ACOX2: variants seen among roughly 807,000 people sequenced by gnomAD.
ACOX2 encodes peroxisomal acyl-coenzyme A oxidase 2.
In ACOX2, 59 loss-of-function variants were observed where a neutral mutation model predicts 77.5. The ratio of observed to expected loss-of-function variants is 0.76; its 90% CI spans 0.62 to 0.95. The LOEUF (loss-of-function observed/expected upper bound fraction) is 0.95. Ranked by LOEUF, ACOX2 falls within the 40% of genes least tolerant of loss-of-function variation. The pLI is 0.00. For missense variants in ACOX2, 837 were observed against 880.4 expected (o/e 0.95, Z 0.62); for synonymous variants, 317 against 340.1 (o/e 0.93, Z 0.75).
rs543101310 is a variant in ACOX2, at chr3:58,521,200, A to C, written c.1632+1296T>G. Among the ~76,000 whole-genome samples, 7 of 152,306 alleles carry C rather than the reference A, an allele frequency of 4.6e-5. No individual in the cohort carries two copies. The highest frequency in any genetic ancestry group is 1.3e-4 in the Admixed American group (2 of 15,306). Reference sequence around the variant, plus strand: ...TAGGCTGAGCAGAACTGAGGGCTGCAGAGGTAATCCCATCACGTGTGGTGT... The same window carrying C: ...TAGGCTGAGCAGAACTGAGGGCTGCCGAGGTAATCCCATCACGTGTGGTGT... On this transcript the variant is annotated intron_variant, in intron 12 of 14. Coordinates refer to ENST00000302819, the MANE Select transcript of ACOX2 (RefSeq NM_003500.4). The surrounding 1 kb of genome is among the most constrained non-coding windows in gnomAD (Gnocchi z 4.8).
chr3:58,531,901 G>C lies in ACOX2; in HGVS notation c.584-89C>G. On this transcript the variant is annotated intron_variant, in intron 5 of 14. Coordinates refer to ENST00000302819, the MANE Select transcript of ACOX2 (RefSeq NM_003500.4). This position sits in a 1 kb window ranked among gnomAD's most constrained non-coding sequence, Gnocchi z 5.8. ...CCAGCCTCCTGGGGCTGGGGTTTTGGATGGGTACCTCTGGGGCCCTGAAAA... is the reference window on the plus strand; with the variant it reads ...CCAGCCTCCTGGGGCTGGGGTTTTGCATGGGTACCTCTGGGGCCCTGAAAA... The C allele has an allele frequency of 1.4e-6, 2 of 1,476,176 alleles. No individual in the cohort carries two copies. The highest frequency in any genetic ancestry group is 1.8e-6 in the Non-Finnish European group (2 of 1,117,788). The allele number at this position is 1,476,176 out of a possible 1,614,324, so 91.4% of individuals were successfully genotyped here.
Position 58,531,708 on chromosome 3 carries a change from G to T in ACOX2, c.688C>A (p.His230Asn). ...FIVPIRSLQD[H>N]TPLPGIIIGD... is the part of the protein sequence containing the mutation. ...ATGGGCTTACCTGGCAGTGGGGTGT[G>T]GTCCTGAAGACTCCGGATTGGCACA... Residue 230 changes from histidine to asparagine, a missense_variant, in exon 6 of 15, where the codon CAC (histidine) becomes AAC (asparagine). By Grantham distance (68) the His-to-Asn change is moderately conservative (BLOSUM62 1). Coordinates refer to ENST00000302819, the MANE Select transcript of ACOX2 (RefSeq NM_003500.4). The surrounding 1 kb of genome is among the most constrained non-coding windows in gnomAD (Gnocchi z 5.8). The T allele has an allele frequency of 1.2e-6, 2 of 1,614,114 alleles. No homozygotes were observed.
rs1178906496 is a variant in ACOX2, at chr3:58,521,680, C to T, written c.1632+816G>A. 6.6e-6 allele frequency among the ~76,000 whole-genome samples: 1 copy of T among 152,236 alleles called. No homozygotes were observed. Among genetic ancestry groups the T allele is most frequent in the Non-Finnish European group, 1.5e-5 (1 of 68,042 alleles). On this transcript the variant is annotated intron_variant, in intron 12 of 14. Transcript: ENST00000302819. This position sits in a 1 kb window ranked among gnomAD's most constrained non-coding sequence, Gnocchi z 4.8. Reference sequence around the variant, plus strand: ...CACCTCCAAACAAACTCAGCAAAGGCATTGCAATGAAAACAAAACCCCAAC... The same window carrying T: ...CACCTCCAAACAAACTCAGCAAAGGTATTGCAATGAAAACAAAACCCCAAC...
In ACOX2 at chr3:58,534,167, G is replaced by A. The variant is rs774318309; in HGVS notation, c.324-22C>T. 7 of 1,613,378 alleles carry A rather than the reference G, an allele frequency of 4.3e-6. No individual in the cohort carries two copies. The highest frequency in any genetic ancestry group is 5.9e-6 in the Non-Finnish European group (7 of 1,179,826). On this transcript the variant is annotated intron_variant, in intron 3 of 14. Transcript: ENST00000302819. This position sits in a 1 kb window ranked among gnomAD's most constrained non-coding sequence, Gnocchi z 4.8. ...GGCTCTGTTGGGGAGAGATGCTGTA[G>A]TTGAGTAGCTTATTGGAGACAGGGG...
rs1407990780 is a variant in ACOX2, at chr3:58,535,571, G to A, written c.-91-374C>T. Among the ~76,000 whole-genome samples, 1 of 152,134 alleles carries A rather than the reference G, an allele frequency of 6.6e-6. No homozygotes were observed. The highest frequency in any genetic ancestry group is 1.5e-5 in the Non-Finnish European group (1 of 68,020). On this transcript the variant is annotated intron_variant, in intron 1 of 14. Coordinates refer to ENST00000302819, the MANE Select transcript of ACOX2 (RefSeq NM_003500.4). The surrounding 1 kb of genome is among the most constrained non-coding windows in gnomAD (Gnocchi z 4.8). Reference sequence around the variant, plus strand: ...AGCTGGAGATGGCCAGGAGTTGGATGGGGTCTGACCACAAAGCACATGACT... The same window carrying A: ...AGCTGGAGATGGCCAGGAGTTGGATAGGGTCTGACCACAAAGCACATGACT...
intron 8 of ACOX2, among the ~76,000 whole-genome samples, chr3:58,530,006 C>T (rs2063424898): frequency 6.6e-6 from 1 of 152,216 alleles, no homozygotes; most frequent in Admixed American, 6.5e-5. Context: ...AGAACGAGCT[C>T]AGCCACACAC....
Position 58,531,790 on chromosome 3 carries a change from G to C in ACOX2, c.606C>G (p.Ala202=). The change falls in exon 6 of 15, where the codon GCC becomes GCG. Residue 202 remains alanine, a synonymous_variant. Coordinates refer to ENST00000302819, the MANE Select transcript of ACOX2 (RefSeq NM_003500.4). This position sits in a 1 kb window ranked among gnomAD's most constrained non-coding sequence, Gnocchi z 5.8. ...PGDLGRSATH[A]LVQAQLICSG... ...AGCAGATCAGCTGGGCCTGGACCAG[G>C]GCATGGGTGGCTGACCGTCCCACTG... 2 of 1,613,998 alleles carry C rather than the reference G, an allele frequency of 1.2e-6. No individual in the cohort carries two copies. The highest frequency in any genetic ancestry group is 1.7e-6 in the Non-Finnish European group (2 of 1,179,996).
At position 58,528,053 on chromosome 3, in the gene ACOX2, T is replaced by C. The variant is rs2063410263; in HGVS notation, c.1155+741A>G. The stretch of plus-strand genomic sequence containing the variant: ...ACTGCTTTATGGTATTTTGTTACAG[T>C]GGCCCCAACAGGACAGAGGCTGCTG... On this transcript the variant is annotated intron_variant, in intron 9 of 14. Transcript: ENST00000302819. The surrounding 1 kb of genome is among the most constrained non-coding windows in gnomAD (Gnocchi z 5.6). Among the ~76,000 whole-genome samples, 1 of 152,174 alleles carries C rather than the reference T, an allele frequency of 6.6e-6. No homozygotes were observed. The highest frequency in any genetic ancestry group is 2.1e-4 in the South Asian group (1 of 4,824).
Position 58,512,517 on chromosome 3 carries a change from G to A in ACOX2, c.1851-3492C>T, listed in dbSNP as rs73837637. ...ATTCTATCCCATGCTCAAAACCCTC[G>A]CATTCTCTTAAGTCTTTGCAATGAT... On this transcript the variant is annotated intron_variant, in intron 13 of 14. Transcript: ENST00000302819. This position sits in a 1 kb window ranked among gnomAD's most constrained non-coding sequence, Gnocchi z 4.8. Among the ~76,000 whole-genome samples, 1,467 of 152,080 alleles carry A rather than the reference G, an allele frequency of 9.6e-3. 29 individuals carry two copies. Among genetic ancestry groups the A allele is most frequent in the African/African-American group, 0.033 (1,388 of 41,496 alleles).
intron 9 of ACOX2, among the ~76,000 whole-genome samples, chr3:58,527,258 C>G (rs1322324359): frequency 6.6e-6 from 1 of 152,066 alleles, no homozygotes; most frequent in East Asian, 1.9e-4. Context: ...CTGCTTCTGG[C>G]TGGGTGTGGT....
At chr3:58,530,130 C>T (rs185174725) in intron 8 of ACOX2, among the ~76,000 whole-genome samples, 65 of 152,360 alleles carry the variant, frequency 4.3e-4, no homozygotes, top group African/African-American at 1.4e-3. Flanking sequence ...CCGTCACAGC[C>T]GCACAGAACA....
chr3:58,524,735 C>CCT lies in ACOX2; in HGVS notation c.1347-132_1347-131dup, dbSNP rs2063382968. ...CCCGTGGGAGAGCCAGGTCACCAGG[C>CCT]CTCTGCCTGGCCTCCCTCCTGAGGG... On this transcript the variant is annotated intron_variant, in intron 10 of 14. Coordinates refer to ENST00000302819, the MANE Select transcript of ACOX2 (RefSeq NM_003500.4). The surrounding 1 kb of genome is among the most constrained non-coding windows in gnomAD (Gnocchi z 5.5). The CCT allele has an allele frequency of 2.8e-6, 3 of 1,052,790 alleles. No homozygotes were observed. The highest frequency in any genetic ancestry group is 4.1e-6 in the Non-Finnish European group (3 of 739,668). 65.2% of individuals were successfully genotyped at this position (1,052,790 alleles called of 1,614,324 possible).
intron 1 of ACOX2, among the ~76,000 whole-genome samples, chr3:58,536,188 C>T (rs1392042044): frequency 6.6e-6 from 1 of 152,108 alleles, no homozygotes; most frequent in Admixed American, 6.5e-5. Flanking sequence ...CCCTGCTGTT[C>T]TCTCTGAACA....
intron 13 of ACOX2, chr3:58,510,900 A>C: frequency 4.5e-6 from 2 of 447,942 alleles, no homozygotes; most frequent in Admixed American, 4.8e-5. Context: ...CCCTGATTGC[A>C]GCTCAGCAAT....
In ACOX2 at chr3:58,526,447, G is replaced by T. The variant is rs1378384296; in HGVS notation, c.1346+19C>A. On this transcript the variant is annotated intron_variant, in intron 10 of 14. Coordinates refer to ENST00000302819, the MANE Select transcript of ACOX2 (RefSeq NM_003500.4). This position sits in a 1 kb window ranked among gnomAD's most constrained non-coding sequence, Gnocchi z 4.3. Reference sequence around the variant, plus strand: ...TCCCCAAGGGCTTGGGCAAAGGCCTGGGTCAGCCTGGACCTTACCTGGCCA... The same window carrying T: ...TCCCCAAGGGCTTGGGCAAAGGCCTTGGTCAGCCTGGACCTTACCTGGCCA... The T allele has an allele frequency of 1.3e-6, 2 of 1,598,472 alleles. No homozygotes were observed. The highest frequency in any genetic ancestry group is 3.4e-5 in the Admixed American group (2 of 58,914).
chr3:58,521,157 C>G lies in ACOX2; in HGVS notation c.1632+1339G>C, dbSNP rs778485115. 9.2e-5 allele frequency among the ~76,000 whole-genome samples: 14 copies of G among 152,174 alleles called. No homozygotes were observed. The highest frequency in any genetic ancestry group is 3.2e-3 in the Middle Eastern group (1 of 316). On this transcript the variant is annotated intron_variant, in intron 12 of 14. Transcript: ENST00000302819. The surrounding 1 kb of genome is among the most constrained non-coding windows in gnomAD (Gnocchi z 4.8). ...TGTGTTGACAGGACAGTTAGCACAG[C>G]AGGGGGTGCCCCTGCTGTAGGCTGA...
chr3:58,531,476 G>T lies in ACOX2; in HGVS notation c.704-110C>A. On this transcript the variant is annotated intron_variant, in intron 6 of 14. Coordinates refer to ENST00000302819, the MANE Select transcript of ACOX2 (RefSeq NM_003500.4). The surrounding 1 kb of genome is among the most constrained non-coding windows in gnomAD (Gnocchi z 5.8). ...AGCAGCCTGTGACACTGGGATTATT[G>T]TACCTATTTTGCAGGTGAACAAGCT... 1 of 1,249,680 alleles carries T rather than the reference G, an allele frequency of 8.0e-7. No individual in the cohort carries two copies. Among genetic ancestry groups the T allele is most frequent in the South Asian group, 1.4e-5 (1 of 70,676 alleles). 77.4% of individuals were successfully genotyped at this position (1,249,680 alleles called of 1,614,324 possible).
intron 13 of ACOX2, 76 bp from the exon 14 acceptor site, chr3:58,509,101 C>A (rs1426142838): frequency 2.0e-6 from 3 of 1,500,522 alleles, no homozygotes; most frequent in Non-Finnish European, 2.8e-6. Context: ...TGGTGAATAA[C>A]AATACCTAAT....
Position 58,534,985 on chromosome 3 carries a change from T to A in ACOX2, c.122A>T (p.Asp41Val). The A allele has an allele frequency of 6.2e-7, 1 of 1,614,234 alleles. No homozygotes were observed. Among genetic ancestry groups the A allele is most frequent in the East Asian group, 2.2e-5 (1 of 44,886 alleles). Residue 41 changes from aspartate to valine, a missense_variant, in exon 2 of 15, where the codon GAT (aspartate) becomes GTT (valine). Coordinates refer to ENST00000302819, the MANE Select transcript of ACOX2 (RefSeq NM_003500.4). This position sits in a 1 kb window ranked among gnomAD's most constrained non-coding sequence, Gnocchi z 4.8. ...FDVERLTNIL[D>V]GGAQNTALRR... ...GAGTGCAGTGTTCTGGGCACCTCCA[T>A]CAAGGATGTTGGTGAGCCGTTCCAC...
Sources: gnomAD v4.1 joint callset for allele counts (sites outside exome capture counted in the v4.1 genomes callset) on GRCh38, gnomAD v4.1.1 for gene constraint, Gnocchi (gnomAD v3.1) non-coding constraint, MANE v1.5 for transcripts, NCBI Gene and HGNC (gene_info 2026-07-23, HGNC 2026-07-21) for gene names.